The following ABCC9 variants were observed in gnomAD, a reference collection of about 807,000 sequenced individuals.
ABCC9 encodes ATP binding cassette subfamily C member 9, also known as ATP-binding cassette sub-family C member 9.
A neutral mutation model predicts 188.3 loss-of-function variants in ABCC9; 95 were observed. The ratio of observed to expected loss-of-function variants is 0.50; its 90% CI spans 0.43 to 0.60. The LOEUF (loss-of-function observed/expected upper bound fraction) is 0.60. Ranked by LOEUF, ABCC9 falls within the 20% of genes least tolerant of loss-of-function variation. The pLI is 0.00. For missense variants in ABCC9, 1,102 were observed against 1,876.3 expected (o/e 0.59, Z 7.62); for synonymous variants, 659 against 652.7 (o/e 1.01, Z -0.15).
intron 7 of ABCC9, 107 bp from the exon 8 acceptor site, chr12:21,913,173 T>A: frequency 1.0e-6 from 1 of 984,504 alleles, no homozygotes; most frequent in Non-Finnish European, 1.5e-6. Context: ...CAAAAATACT[T>A]TAAGGGTTTA....
chr12:21,923,183 A>G (rs565712779), intron 5 of ABCC9: 1 of 151,730 alleles, frequency 6.6e-6, no homozygotes, highest in South Asian at 2.1e-4. Flanking sequence ...ACCATAAAGC[A>G]TCTAAAAGCA....
At chr12:21,881,851 G>T (rs1946633419) in intron 16 of ABCC9, among the ~76,000 whole-genome samples, 1 of 151,982 alleles carries the variant, frequency 6.6e-6, no homozygotes, top group South Asian at 2.1e-4. Flanking sequence ...ACACTAAAAT[G>T]GCATGTCCAC....
chr12:21,807,617 G>C lies in ABCC9; in HGVS notation c.4316-138C>G. ...AGTGCTGGTGCAAGGACTTCATACT[G>C]GAACACAAAGAGGAACTCCACTTTG... On this transcript the variant is annotated intron_variant, in intron 37 of 39. Coordinates refer to ENST00000261200, the MANE Select transcript of ABCC9 (RefSeq NM_020297.4). 3.4e-6 allele frequency: 4 copies of C among 1,182,016 alleles called. No homozygotes were observed. In the South Asian group the frequency reaches 5.3e-5, roughly 16 times the overall value. 73.2% of individuals were successfully genotyped at this position (1,182,016 alleles called of 1,614,324 possible). A position where few individuals can be genotyped will look rare whatever the true frequency, so the allele number is the denominator to read the frequency against.
At chr12:21,876,467 A>G (rs912019414) in intron 16 of ABCC9, among the ~76,000 whole-genome samples, 4 of 152,236 alleles carry the variant, frequency 2.6e-5, no homozygotes, top group African/African-American at 9.6e-5. Flanking sequence ...TGAACTGTGT[A>G]GGCCAACTAT....
chr12:21,858,550 G>A (rs1945343295), intron 22 of ABCC9, among the ~76,000 whole-genome samples: 1 of 150,164 alleles, frequency 6.7e-6, no homozygotes, highest in Non-Finnish European at 1.5e-5. Flanking sequence ...TTGCAGTCCA[G>A]TCTGGGCAAC....
chr12:21,913,710 T>G (rs1443394264), intron 7 of ABCC9, among the ~76,000 whole-genome samples: 1 of 152,192 alleles, frequency 6.6e-6, no homozygotes, highest in Non-Finnish European at 1.5e-5. Context: ...AGTCAACTCA[T>G]GGCTTCACAC....
chr12:21,906,344 C>T lies in ABCC9; in HGVS notation c.1456-56G>A, dbSNP rs907520690. ...GCTGCATCCAAGTGAATCAGAAAGGCAGAACCATGTAATGGACAGGGATTG... is the reference window on the plus strand; with the variant it reads ...GCTGCATCCAAGTGAATCAGAAAGGTAGAACCATGTAATGGACAGGGATTG... On this transcript the variant is annotated intron_variant, in intron 11 of 39. Transcript: ENST00000261200. 4.6e-6 allele frequency: 7 copies of T among 1,535,536 alleles called. No homozygotes were observed. The East Asian group carries it at 1.7e-4, about 37-fold the overall frequency.
Position 21,910,390 on chromosome 12 carries a change from TAACA to T in ABCC9, c.1165-82_1165-79del. 4 of 1,391,032 alleles carry T rather than the reference TAACA, an allele frequency of 2.9e-6. No individual in the cohort carries two copies. In the South Asian group the frequency reaches 3.8e-5, roughly 13 times the overall value. The allele number at this position is 1,391,032 out of a possible 1,614,324, so 86.2% of individuals were successfully genotyped here. A position where few individuals can be genotyped will look rare whatever the true frequency, so the allele number is the denominator to read the frequency against. Reference sequence around the variant, plus strand: ...TATGATTATTTTCACTGAAAATAAATAACAAACATTTAATTTTTTTGAGAAAAAA... The same window carrying T: ...TATGATTATTTTCACTGAAAATAAATAACATTTAATTTTTTTGAGAAAAAA... On this transcript the variant is annotated intron_variant, in intron 9 of 39. Coordinates refer to ENST00000261200, the MANE Select transcript of ABCC9 (RefSeq NM_020297.4).
At position 21,799,698 on chromosome 12, in the gene ABCC9, A is replaced by G. The variant is rs1200165161; in HGVS notation, c.*1346T>C. 6.6e-6 allele frequency: 1 copy of G among 152,198 alleles called. No individual in the cohort carries two copies. The highest frequency in any genetic ancestry group is 2.4e-5 in the African/African-American group (1 of 41,446). 9.4% of individuals were successfully genotyped at this position (152,198 alleles called of 1,614,324 possible). A position where few individuals can be genotyped will look rare whatever the true frequency, so the allele number is the denominator to read the frequency against. On this transcript the variant is annotated 3_prime_UTR_variant, in exon 40 of 40. Transcript: ENST00000261200. Reference sequence around the variant, plus strand: ...AACACAGAAACTATAGGAAAGTGGCATAATTTCTCTTAATTCATCAATTTT... The same window carrying G: ...AACACAGAAACTATAGGAAAGTGGCGTAATTTCTCTTAATTCATCAATTTT...
At chr12:21,829,362 C>CT (rs1565710935) in intron 30 of ABCC9, among the ~76,000 whole-genome samples, 2 of 151,750 alleles carry the variant, frequency 1.3e-5, no homozygotes, top group Non-Finnish European at 2.9e-5. Flanking sequence ...CCACCATGCC[C>CT]GGCTAATTTT....
At chr12:21,869,023 A>C (rs1471378387) in intron 18 of ABCC9, among the ~76,000 whole-genome samples, 1 of 152,160 alleles carries the variant, frequency 6.6e-6, no homozygotes, top group African/African-American at 2.4e-5. Context: ...AAAATAAGTA[A>C]TTCTTTTAAT....
At chr12:21,845,868 G>A in intron 25 of ABCC9, 36 bp from the exon 26 acceptor site, 2 of 1,452,970 alleles carry the variant, frequency 1.4e-6, no homozygotes, top group South Asian at 2.3e-5. Flanking sequence ...GCTTCAGATG[G>A]GCACCGGCTA....
intron 18 of ABCC9, among the ~76,000 whole-genome samples, chr12:21,871,159 T>G (rs4148669): frequency 0.3 from 45,198 of 152,094 alleles, 7,672 homozygotes; most frequent in Middle Eastern, 0.44. Flanking sequence ...AGCTACACAA[T>G]GTAATTAAAT....
At chr12:21,900,848 A>C (rs894389782) in intron 12 of ABCC9, among the ~76,000 whole-genome samples, 1 of 152,214 alleles carries the variant, frequency 6.6e-6, no homozygotes, top group African/African-American at 2.4e-5. Flanking sequence ...TGAAAGTGAC[A>C]GGGAGAATGG....
intron 29 of ABCC9, among the ~76,000 whole-genome samples, chr12:21,839,736 A>T (rs944581872): frequency 3.3e-5 from 5 of 152,298 alleles, no homozygotes; most frequent in African/African-American, 1.2e-4. Flanking sequence ...AACTGAACGG[A>T]TGAACATGGT....
chr12:21,841,347 C>CTTTTTTTTTTTTTTTT lies in ABCC9; in HGVS notation c.3473+951_3473+966dup, dbSNP rs1174314931. 6.6e-4 allele frequency among the ~76,000 whole-genome samples: 13 copies of CTTTTTTTTTTTTTTTT among 19,604 alleles called. 6 individuals are homozygous for CTTTTTTTTTTTTTTTT. The highest frequency in any genetic ancestry group is 1.6e-3 in the African/African-American group (6 of 3,810). The allele number at this position is 19,604 out of a possible 152,430, so 12.9% of individuals were successfully genotyped here. A position where few individuals can be genotyped will look rare whatever the true frequency, so the allele number is the denominator to read the frequency against. ...TCTTTGGGATTATGTTTCTGGTTTCCTTTTTTTTTTTTTTTTTTTTTTTTT... is the reference window on the plus strand; with the variant it reads ...TCTTTGGGATTATGTTTCTGGTTTCCTTTTTTTTTTTTTTTTTTTTTTTTTTTTTTTTTTTTTTTTT... On this transcript the variant is annotated intron_variant, in intron 29 of 39. Coordinates refer to ENST00000261200, the MANE Select transcript of ABCC9 (RefSeq NM_020297.4).
rs1180051090 is a variant in ABCC9 at position 21,800,767 on chromosome 12, T to C, written c.*277A>G. The C allele has an allele frequency of 7.2e-6, 3 of 416,542 alleles. No homozygotes were observed. The highest frequency in any genetic ancestry group is 4.0e-5 in the African/African-American group (2 of 49,624). The allele number at this position is 416,542 out of a possible 1,614,324, so 25.8% of individuals were successfully genotyped here. On this transcript the variant is annotated 3_prime_UTR_variant, in exon 40 of 40. Transcript: ENST00000261200. ...CTTAAAGTTAGGAGAAAACTTTAGC[T>C]ATTGATTTATCACTTAAAGTAGCTT...
intron 39 of ABCC9, chr12:21,805,195 A>C (rs184056531): frequency 6.2e-7 from 1 of 1,614,078 alleles, no homozygotes; most frequent in Admixed American, 1.7e-5. Flanking sequence ...TCATCACCAA[A>C]GTGGAAAAGA....
intron 5 of ABCC9, chr12:21,923,952 T>C (rs1948943927): frequency 1.7e-6 from 1 of 605,746 alleles, no homozygotes. Context: ...TGATCTATGC[T>C]ACATTACGGA....
Sources: allele counts gnomAD v4.1 joint callset (sites outside exome capture counted in the v4.1 genomes callset), GRCh38; gene constraint gnomAD v4.1.1; transcripts MANE v1.5; gene names NCBI Gene and HGNC (gene_info 2026-07-23, HGNC 2026-07-21).